The following CSMD3 variants were observed in gnomAD, a reference collection of about 807,000 sequenced individuals.
The protein encoded by CSMD3 is CUB and sushi domain-containing protein 3.
Under a neutral mutation model 435.2 loss-of-function variants are expected in CSMD3, and 177 were observed. That is an observed-to-expected ratio of 0.41 (90% CI 0.36 to 0.46). The LOEUF (loss-of-function observed/expected upper bound fraction) is 0.46. Ranked by LOEUF, CSMD3 falls within the 20% of genes least tolerant of loss-of-function variation. The pLI is 0.34. For missense variants in CSMD3, 4,265 were observed against 4,504.6 expected (o/e 0.95, Z 1.52); for synonymous variants, 1,656 against 1,520.5 (o/e 1.09, Z -2.07).
rs1231948289 is a variant in CSMD3, at chr8:112,503,808, A to T, written c.5065T>A (p.Phe1689Ile). 1 of 1,610,796 alleles carries T rather than the reference A, an allele frequency of 6.2e-7. No homozygotes were observed. Among genetic ancestry groups the T allele is most frequent in the East Asian group, 2.2e-5 (1 of 44,750 alleles). ...TATTTACCTTTGTATTCTAGATGAA[A>T]TCCAGTGTAACTAACAGATCCATCA... ...RSDGSVSYTG[F>I]HLEYKAKLRE... Residue 1689 changes from phenylalanine to isoleucine, a missense_variant, in exon 30 of 71, where the codon TTT becomes ATT. Physicochemically the swap from Phe to Ile is conservative, Grantham distance 21 (BLOSUM62 0). Transcript: ENST00000297405.
intron 23 of CSMD3, among the ~76,000 whole-genome samples, chr8:112,581,736 A>C (rs888916690): frequency 6.6e-6 from 1 of 152,066 alleles, no homozygotes; most frequent in Non-Finnish European, 1.5e-5. Context: ...TCTATTGGAG[A>C]AGACAAAAAT....
chr8:112,634,008 T>A (rs1173800295), intron 22 of CSMD3, among the ~76,000 whole-genome samples: 1 of 152,056 alleles, frequency 6.6e-6, no homozygotes, highest in African/African-American at 2.4e-5. Flanking sequence ...ACTTAAAATT[T>A]GGCTATTGTT....
intron 38 of CSMD3, among the ~76,000 whole-genome samples, chr8:112,370,288 A>G (rs957153946): frequency 6.6e-6 from 1 of 152,204 alleles, no homozygotes; most frequent in Non-Finnish European, 1.5e-5. Context: ...ATAATGTGCA[A>G]CACACTACCC....
intron 1 of CSMD3, among the ~76,000 whole-genome samples, chr8:113,362,554 A>G (rs2094284248): frequency 6.6e-6 from 1 of 152,198 alleles, no homozygotes; most frequent in African/African-American, 2.4e-5. Context: ...GCATTATGTA[A>G]TATTTTAATG....
chr8:112,983,268 T>C (rs536954164), intron 6 of CSMD3, among the ~76,000 whole-genome samples: 2 of 151,914 alleles, frequency 1.3e-5, no homozygotes, highest in Admixed American at 6.6e-5. Flanking sequence ...TACCTGAATG[T>C]ATCTCTGTTT....
chr8:113,158,166 G>A (rs538659738), intron 4 of CSMD3, among the ~76,000 whole-genome samples: 198 of 149,598 alleles, frequency 1.3e-3, no homozygotes, highest in African/African-American at 4.5e-3. Flanking sequence ...ACTACATTAT[G>A]CCAACAGTTC....
At chr8:112,237,145 A>G (rs1203885378) in intron 67 of CSMD3, 45 bp downstream of exon 67, 3 of 1,585,390 alleles carry the variant, frequency 1.9e-6, no homozygotes, top group Non-Finnish European at 2.6e-6. Flanking sequence ...CATAATAGAA[A>G]TAAAGTCATG....
chr8:112,694,542 T>C (rs1263099815), intron 13 of CSMD3, among the ~76,000 whole-genome samples: 1 of 152,152 alleles, frequency 6.6e-6, no homozygotes, highest in Non-Finnish European at 1.5e-5. Context: ...TACAACACTC[T>C]TTAAAATTAA....
chr8:112,829,502 C>T (rs2079799114), intron 12 of CSMD3, among the ~76,000 whole-genome samples, 184 bp downstream of exon 12: 2 of 152,116 alleles, frequency 1.3e-5, no homozygotes, highest in South Asian at 2.1e-4. Flanking sequence ...TGAACTGAGA[C>T]AAAGTGCCTT....
rs1016332379 is a variant in CSMD3, at chr8:112,365,085, C to T, written c.6137-12551G>A. Reference sequence around the variant, plus strand: ...ATACCAAAATAGTAATCAGCCTCCACTAAATAATGTTTAAACTTCTCTCTA... The same window carrying T: ...ATACCAAAATAGTAATCAGCCTCCATTAAATAATGTTTAAACTTCTCTCTA... On this transcript the variant is annotated intron_variant, in intron 38 of 70. Coordinates refer to ENST00000297405, the MANE Select transcript of CSMD3 (RefSeq NM_198123.2). 6.6e-5 allele frequency among the ~76,000 whole-genome samples: 10 copies of T among 151,996 alleles called. No homozygotes were observed. In the East Asian group the frequency reaches 1.5e-3, roughly 24 times the overall value.
In CSMD3 at chr8:112,384,581, A is replaced by C. The variant is rs574074599; in HGVS notation, c.5935-918T>G. Among the ~76,000 whole-genome samples the C allele has an allele frequency of 1.3e-3, 201 of 152,360 alleles. No homozygotes were observed. The Middle Eastern group carries it at 0.017, about 13-fold the overall frequency. ...AAAGTTTTTTAAGCTAAAATCTGTT[A>C]AAAATGTATGCACTGCACTCATTCA... On this transcript the variant is annotated intron_variant, in intron 36 of 70. Transcript: ENST00000297405.
At chr8:112,285,103 T>C (rs1162194478) in intron 58 of CSMD3, among the ~76,000 whole-genome samples, 2 of 152,010 alleles carry the variant, frequency 1.3e-5, no homozygotes, top group African/African-American at 4.8e-5. Context: ...ATGAGAAAAA[T>C]ATTAATTCTA....
intron 11 of CSMD3, among the ~76,000 whole-genome samples, chr8:112,830,978 G>A (rs2079854603): frequency 6.6e-6 from 1 of 151,702 alleles, no homozygotes; most frequent in South Asian, 2.1e-4. Context: ...TAATAGAGAC[G>A]GGGTTTCACC....
At chr8:113,065,388 T>TTTGA (rs1416577441) in intron 5 of CSMD3, among the ~76,000 whole-genome samples, 7 of 151,070 alleles carry the variant, frequency 4.6e-5, no homozygotes, top group Non-Finnish European at 8.9e-5. Context: ...CATGTTTTTG[T>TTTGA]TTGTTTGTTT....
At chr8:113,227,638 G>A (rs2093042418) in intron 3 of CSMD3, among the ~76,000 whole-genome samples, 1 of 151,572 alleles carries the variant, frequency 6.6e-6, no homozygotes, top group South Asian at 2.1e-4. Flanking sequence ...AGATCTGATT[G>A]TTTAAAAGTG....
At chr8:113,204,015 A>G (rs1185577197) in intron 3 of CSMD3, among the ~76,000 whole-genome samples, 1 of 151,930 alleles carries the variant, frequency 6.6e-6, no homozygotes, top group Non-Finnish European at 1.5e-5. Flanking sequence ...TCCCCCCTAT[A>G]CTCACACTTA....
intron 4 of CSMD3, among the ~76,000 whole-genome samples, chr8:113,169,151 T>C (rs2092220527): frequency 6.6e-6 from 1 of 152,190 alleles, no homozygotes; most frequent in Non-Finnish European, 1.5e-5. Flanking sequence ...AATAATATAA[T>C]ATGGTGACAA....
rs1040057399 is a variant in CSMD3, at chr8:112,859,367, T to C, written c.1634-101A>G. On this transcript the variant is annotated intron_variant, in intron 10 of 70. Coordinates refer to ENST00000297405, the MANE Select transcript of CSMD3 (RefSeq NM_198123.2). ...AGACTTTACATTCAAAATGACACAA[T>C]TATAACCACATTGAAATATATATTA... 32 of 952,044 alleles carry C rather than the reference T, an allele frequency of 3.4e-5. No individual in the cohort carries two copies. The Middle Eastern group carries it at 1.5e-3, about 44-fold the overall frequency. 59.0% of individuals were successfully genotyped at this position (952,044 alleles called of 1,614,324 possible).
chr8:113,147,250 T>C (rs1344195555), intron 4 of CSMD3, among the ~76,000 whole-genome samples: 1 of 151,694 alleles, frequency 6.6e-6, no homozygotes, highest in Non-Finnish European at 1.5e-5. Flanking sequence ...AGCATTTTAT[T>C]GAGTTCTGTA....
Sources: allele counts gnomAD v4.1 joint callset (sites outside exome capture counted in the v4.1 genomes callset), GRCh38; gene constraint gnomAD v4.1.1; transcripts MANE v1.5; gene names NCBI Gene and HGNC (gene_info 2026-07-23, HGNC 2026-07-21).